The following PLCH1 variants were observed in gnomAD, a reference collection of about 807,000 sequenced individuals.
PLCH1 encodes 1-phosphatidylinositol 4,5-bisphosphate phosphodiesterase eta-1.
In PLCH1, 60 loss-of-function variants were observed where a neutral mutation model predicts 126.7. That is an observed-to-expected ratio of 0.47 (90% CI 0.38 to 0.59). PLCH1 has a LOEUF of 0.59. PLCH1 is among the 20% of genes least tolerant of loss of function. The pLI is 0.00. For synonymous variants in PLCH1, 719 were observed against 734.9 expected, an observed-to-expected ratio of 0.98 and a Z score of 0.35; for missense variants, 1,723 against 2,040.0, an observed-to-expected ratio of 0.84 and a Z score of 2.99.
chr3:155,681,756 C>T (rs1744556489), intron 2 of PLCH1, among the ~76,000 whole-genome samples: 1 of 152,222 alleles, frequency 6.6e-6, no homozygotes, highest in Non-Finnish European at 1.5e-5. Flanking sequence ...ATTTTCCAAT[C>T]TACATGCAAC....
intron 2 of PLCH1, among the ~76,000 whole-genome samples, chr3:155,637,595 G>A (rs565899092): frequency 1.2e-4 from 19 of 152,264 alleles, no homozygotes; most frequent in Admixed American, 9.8e-4. Flanking sequence ...TGGAAAATGC[G>A]TTTTGTGAGT....
At chr3:155,466,378 C>T (rs757087971) in intron 21 of PLCH1, among the ~76,000 whole-genome samples, 52 of 152,146 alleles carry the variant, frequency 3.4e-4, no homozygotes, top group Non-Finnish European at 6.8e-4. Context: ...TGGATCTTGT[C>T]CAAAATCATC....
chr3:155,709,657 C>G (rs988755219), intron 1 of PLCH1, among the ~76,000 whole-genome samples: 1 of 152,184 alleles, frequency 6.6e-6, no homozygotes, highest in Non-Finnish European at 1.5e-5. Context: ...CACTCTGTCA[C>G]TCAGGCCGAA....
chr3:155,560,654 A>C (rs1295945157), intron 8 of PLCH1, among the ~76,000 whole-genome samples: 2 of 152,314 alleles, frequency 1.3e-5, no homozygotes, highest in South Asian at 2.1e-4. Flanking sequence ...GCTAGAAACT[A>C]TCTGACAAAG....
intron 11 of PLCH1, among the ~76,000 whole-genome samples, chr3:155,520,057 C>T (rs114673826): frequency 1.2e-4 from 19 of 152,138 alleles, no homozygotes; most frequent in African/African-American, 1.7e-4. Flanking sequence ...GTTCAAGGAC[C>T]AGTCATATCC....
At chr3:155,457,810 C>T (rs1712489145) in intron 21 of PLCH1, 2 of 152,120 alleles carry the variant, frequency 1.3e-5, no homozygotes, top group Non-Finnish European at 2.9e-5. Flanking sequence ...ATGTGCCAAG[C>T]CAGATCTGCT....
In PLCH1 at chr3:155,481,426, G is replaced by C; in HGVS notation, c.4600C>G (p.Leu1534Val). The C allele has an allele frequency of 6.2e-7, 1 of 1,614,174 alleles. No individual in the cohort carries two copies. The highest frequency in any genetic ancestry group is 1.6e-4 in the Middle Eastern group (1 of 6,062). Residue 1534 changes from leucine (L) to valine (V), a missense_variant, in exon 23 of 23, where the codon CTG (leucine) becomes GTG (valine). Leu to Val is a conservative substitution (Grantham distance 32). Coordinates refer to ENST00000460012, the MANE Select transcript of PLCH1 (RefSeq NM_014996.4). This position sits in a 1 kb window ranked among gnomAD's most constrained non-coding sequence, Gnocchi z 4.2. Reference protein sequence around the residue: ...KTKSLEPIDALTEQLRKLVSF... With the variant: ...KTKSLEPIDAVTEQLRKLVSF... Reference sequence around the variant, plus strand: ...ACAAGCTTCCGAAGCTGCTCGGTCAGGGCATCTATAGGCTCTAACGACTTT... The same window carrying C: ...ACAAGCTTCCGAAGCTGCTCGGTCACGGCATCTATAGGCTCTAACGACTTT...
intron 2 of PLCH1, among the ~76,000 whole-genome samples, chr3:155,689,770 C>G (rs1357754112): frequency 1.3e-5 from 2 of 151,786 alleles, no homozygotes; most frequent in African/African-American, 4.8e-5. Flanking sequence ...ATGAAGCACA[C>G]CTATAGGATC....
intron 9 of PLCH1, among the ~76,000 whole-genome samples, chr3:155,551,411 C>G (rs1419904347): frequency 1.5e-5 from 2 of 134,152 alleles, no homozygotes; most frequent in African/African-American, 5.6e-5. Context: ...TGCCACTGCA[C>G]TCCAGCATGG....
chr3:155,727,343 A>T (rs1044446427), intron 1 of PLCH1, among the ~76,000 whole-genome samples: 10 of 152,070 alleles, frequency 6.6e-5, no homozygotes, highest in Non-Finnish European at 1.5e-4. Flanking sequence ...AAAAGGAAAA[A>T]AAAATGGGTT....
chr3:155,460,679 T>C (rs1712677411), intron 21 of PLCH1, among the ~76,000 whole-genome samples: 1 of 152,176 alleles, frequency 6.6e-6, no homozygotes, highest in African/African-American at 2.4e-5. Context: ...GATTCATGGA[T>C]GGCAATTCCC....
intron 7 of PLCH1, among the ~76,000 whole-genome samples, chr3:155,566,344 T>C (rs1222626451): frequency 1.5e-5 from 1 of 65,810 alleles, no homozygotes; most frequent in East Asian, 2.8e-4. Flanking sequence ...TATATACACA[T>C]ATATATACAT....
At chr3:155,724,216 G>A (rs1748153879) in intron 1 of PLCH1, among the ~76,000 whole-genome samples, 1 of 152,096 alleles carries the variant, frequency 6.6e-6, no homozygotes, top group Non-Finnish European at 1.5e-5. Context: ...TCCAGTTATT[G>A]GGAAGAATAT....
intron 12 of PLCH1, among the ~76,000 whole-genome samples, chr3:155,509,167 G>A (rs1319870696): frequency 7.2e-6 from 1 of 139,814 alleles, no homozygotes; most frequent in African/African-American, 3.0e-5. Flanking sequence ...ATTCTCTTAT[G>A]GTAGTTTGCA....
intron 2 of PLCH1, among the ~76,000 whole-genome samples, chr3:155,615,900 C>T (rs1310804261): frequency 6.6e-6 from 1 of 151,990 alleles, no homozygotes; most frequent in Non-Finnish European, 1.5e-5. Context: ...CCACCTGTTC[C>T]CTAAATATTA....
intron 21 of PLCH1, among the ~76,000 whole-genome samples, chr3:155,469,084 G>A (rs996061528): frequency 5.3e-5 from 8 of 152,166 alleles, no homozygotes; most frequent in South Asian, 2.1e-4. Context: ...CAAGATGGCC[G>A]AATAGGAACA....
chr3:155,539,185 C>T (rs2108377709), intron 10 of PLCH1, among the ~76,000 whole-genome samples: 1 of 152,210 alleles, frequency 6.6e-6, no homozygotes, highest in South Asian at 2.1e-4. Context: ...GCAGAAAAAG[C>T]ATTTAACAAA....
At chr3:155,581,102 G>A (rs1730602036) in intron 6 of PLCH1, among the ~76,000 whole-genome samples, 1 of 152,152 alleles carries the variant, frequency 6.6e-6, no homozygotes, top group Non-Finnish European at 1.5e-5. Context: ...AAGTCATCCA[G>A]CACATCTTTG....
At position 155,620,481 on chromosome 3, in the gene PLCH1, G is replaced by A. The variant is rs1271671599; in HGVS notation, c.80-24103C>T. On this transcript the variant is annotated intron_variant, in intron 2 of 22. Coordinates refer to ENST00000460012, the MANE Select transcript of PLCH1 (RefSeq NM_014996.4). ...CAGGAAAAAATGTCATGGAGAACAA[G>A]GTAGTGTCAGGGATGGATTGAAAGA... 3.3e-5 allele frequency among the ~76,000 whole-genome samples: 5 copies of A among 152,156 alleles called. No homozygotes were observed. In the South Asian group the frequency reaches 1.0e-3, roughly 32 times the overall value.
Sources: gnomAD v4.1 joint callset for allele counts (sites outside exome capture counted in the v4.1 genomes callset) on GRCh38, gnomAD v4.1.1 for gene constraint, Gnocchi (gnomAD v3.1) non-coding constraint, MANE v1.5 for transcripts, NCBI Gene and HGNC (gene_info 2026-07-23, HGNC 2026-07-21) for gene names.